The following PLK3 variants were observed in gnomAD, a reference collection of about 807,000 sequenced individuals.
The protein encoded by PLK3 is serine/threonine-protein kinase PLK3.
In PLK3, 41 loss-of-function variants were observed where a neutral mutation model predicts 71.6. The observed-to-expected ratio is 0.57, with a 90% confidence interval of 0.45 to 0.74. PLK3 has a LOEUF of 0.74. Ranked by LOEUF, PLK3 falls within the 30% of genes least tolerant of loss-of-function variation. The pLI, the probability that PLK3 is intolerant of heterozygous loss-of-function variation, is 0.00. For missense variants in PLK3, 791 were observed against 875.6 expected, an observed-to-expected ratio of 0.90 and a Z score of 1.22; for synonymous variants, 366 against 355.4, an observed-to-expected ratio of 1.03 and a Z score of -0.33.
At position 44,800,701 on chromosome 1, in the gene PLK3, T is replaced by C; in HGVS notation, c.210+28T>C. ...GGGCCGAGGGACGTCCGCGGGGTGG[T>C]GATGGTGGAGGTGGGGGTCCCGGCC... On this transcript the variant is annotated intron_variant, in intron 1 of 14. Coordinates refer to ENST00000372201, the MANE Select transcript of PLK3 (RefSeq NM_004073.4). This position sits in a 1 kb window ranked among gnomAD's most constrained non-coding sequence, Gnocchi z 6.5. 2 of 1,548,078 alleles carry C rather than the reference T, an allele frequency of 1.3e-6. No individual in the cohort carries two copies. The highest frequency in any genetic ancestry group is 1.7e-6 in the Non-Finnish European group (2 of 1,150,858).
chr1:44,802,008 G>A lies in PLK3; in HGVS notation c.653+76G>A. 3.7e-6 allele frequency: 4 copies of A among 1,091,028 alleles called. No homozygotes were observed. The South Asian group carries it at 4.2e-5, about 12-fold the overall frequency. 67.6% of individuals were successfully genotyped at this position (1,091,028 alleles called of 1,614,324 possible). On this transcript the variant is annotated intron_variant, in intron 5 of 14. Coordinates refer to ENST00000372201, the MANE Select transcript of PLK3 (RefSeq NM_004073.4). ...TAGACAGTGCATATGTATGTGGGAG[G>A]CAAGGTGACTGCCTGATGTGTGCAT...
intron 12 of PLK3, 36 bp from the exon 13 acceptor site, chr1:44,804,614 G>A: frequency 6.2e-7 from 1 of 1,608,396 alleles, no homozygotes. Flanking sequence ...GGGCATTGGT[G>A]CAGGGCTCCC....
chr1:44,801,114 G>A lies in PLK3; in HGVS notation c.397G>A (p.Asp133Asn). ...TTTTTCGCACCACTTTGAGGACGCT[G>A]ACAACATCTACATTTTCTTGGAGCT... ...VRFSHHFEDA[D>N]NIYIFLELCS... Residue 133 changes from aspartate to asparagine, a missense_variant, in exon 3 of 15, where the codon GAC (aspartate) becomes AAC (asparagine). By Grantham distance (23) the Asp-to-Asn change is conservative. Transcript: ENST00000372201. 1 of 1,613,010 alleles carries A rather than the reference G, an allele frequency of 6.2e-7. No homozygotes were observed. Among genetic ancestry groups the A allele is most frequent in the South Asian group, 1.1e-5 (1 of 91,052 alleles).
Position 44,803,143 on chromosome 1 carries a change from TC to T in PLK3, c.939del (p.Phe314LeufsTer16). The T allele has an allele frequency of 6.2e-7, 1 of 1,613,794 alleles. No individual in the cohort carries two copies. The highest frequency in any genetic ancestry group is 8.5e-7 in the Non-Finnish European group (1 of 1,179,928). On this transcript the variant is annotated frameshift_variant, in exon 7 of 15. Coordinates refer to ENST00000372201, the MANE Select transcript of PLK3 (RefSeq NM_004073.4). LOFTEE classifies it high-confidence loss of function. The surrounding 1 kb of genome is among the most constrained non-coding windows in gnomAD (Gnocchi z 4.3). ...ATTGACCAGATCCTGCGCCATGACTTCTTTACCAAGGTCTGTGGCTCCCCAG... is the reference window on the plus strand; with the variant it reads ...ATTGACCAGATCCTGCGCCATGACTTTTTACCAAGGTCTGTGGCTCCCCAG... ...PSIDQILRHD[F>X]FTKGYTPDRL...
chr1:44,801,560 C>A, intron 3 of PLK3, 62 bp from the exon 4 acceptor site: 8 of 1,559,136 alleles, frequency 5.1e-6, no homozygotes, highest in Non-Finnish European at 7.0e-6. Context: ...CCTCAGGGAG[C>A]ACAGATGGAG....
chr1:44,804,480 T>G lies in PLK3; in HGVS notation c.1484T>G (p.Met495Arg). ...GTGCTCTTCAACGATGGCACACATA[T>G]GGCCCTGTCGGCCAACAGAAAGTAA... ...VAVLFNDGTH[M>R]ALSANRKTVH... is the part of the protein sequence containing the mutation. The change falls in exon 12 of 15, where the codon ATG (methionine) becomes AGG (arginine). Residue 495 changes from methionine (M) to arginine (R), a missense_variant. Coordinates refer to ENST00000372201, the MANE Select transcript of PLK3 (RefSeq NM_004073.4). 1.9e-6 allele frequency: 3 copies of G among 1,614,208 alleles called. No individual in the cohort carries two copies. The highest frequency in any genetic ancestry group is 2.5e-6 in the Non-Finnish European group (3 of 1,180,014).
At position 44,801,036 on chromosome 1, in the gene PLK3, A is replaced by T. The variant is rs748149445; in HGVS notation, c.319A>T (p.Ile107Phe). Reference protein sequence around the residue: ...RVAKPHQREKILNEIELHRDL... With the variant: ...RVAKPHQREKFLNEIELHRDL... The stretch of plus-strand genomic sequence containing the variant: ...TGACGACTCCGCGCCCTCATCGCAG[A>T]TCCTAAATGAGATTGAGCTGCACCG... The change falls in exon 3 of 15, where the codon ATC becomes TTC. Residue 107 changes from isoleucine (I) to phenylalanine (F), a missense_variant and splice_region_variant. Transcript: ENST00000372201. 9 of 1,612,740 alleles carry T rather than the reference A, an allele frequency of 5.6e-6. No homozygotes were observed. The highest frequency in any genetic ancestry group is 7.6e-6 in the Non-Finnish European group (9 of 1,179,250).
chr1:44,804,962 G>C, intron 13 of PLK3, 183 bp downstream of exon 13: 1 of 622,140 alleles, frequency 1.6e-6, no homozygotes, highest in Admixed American at 3.0e-5. Flanking sequence ...CAAATTAGCC[G>C]GGCGTGGTGG....
At chr1:44,805,405 G>A (rs1262107264) in intron 14 of PLK3, 26 bp downstream of exon 14, 1 of 1,608,166 alleles carries the variant, frequency 6.2e-7, no homozygotes, top group Non-Finnish European at 8.5e-7. Context: ...GGAGTTGCGG[G>A]AAGGTCTGGG....
intron 13 of PLK3, 122 bp downstream of exon 13, chr1:44,804,901 C>T (rs1308824056): frequency 3.9e-5 from 34 of 866,262 alleles, no homozygotes; most frequent in Non-Finnish European, 1.8e-5. Flanking sequence ...GTCAGGAGAT[C>T]GAGACCATCC....
intron 13 of PLK3, 108 bp from the exon 14 acceptor site, chr1:44,805,158 C>G (rs932058017): frequency 1.2e-5 from 9 of 754,622 alleles, no homozygotes; most frequent in Middle Eastern, 4.7e-4. Flanking sequence ...CCTCTGATTC[C>G]CCCTTGGTGG....
Position 44,802,802 on chromosome 1 carries a change from G to C in PLK3, c.696G>C (p.Leu232=). Residue 232 remains leucine, a synonymous_variant, in exon 6 of 15, where the codon CTG becomes CTC. Transcript: ENST00000372201. The stretch of plus-strand genomic sequence containing the variant: ...CCAACTATGTGGCTCCAGAAGTGCT[G>C]CTGAGACAGGGCCACGGCCCTGAGG... The part of the protein sequence containing the change: ...GTPNYVAPEV[L]LRQGHGPEAD... The C allele has an allele frequency of 6.2e-7, 1 of 1,613,930 alleles. No homozygotes were observed. Among genetic ancestry groups the C allele is most frequent in the Non-Finnish European group, 8.5e-7 (1 of 1,179,942 alleles).
chr1:44,804,746 C>T lies in PLK3; in HGVS notation c.1602C>T (p.Tyr534=). The change falls in exon 13 of 15, where the codon TAC becomes TAT. Residue 534 remains tyrosine (Y), a synonymous_variant. Transcript: ENST00000372201. ...ALQPQLGILR[Y]FASYMEQHLM... ...AGCCTCAGCTGGGTATCCTGCGGTA[C>T]TTCGCCTCCTACATGGAGCAGCACC... The T allele has an allele frequency of 6.2e-7, 1 of 1,614,144 alleles. No homozygotes were observed. Among genetic ancestry groups the T allele is most frequent in the South Asian group, 1.1e-5 (1 of 91,090 alleles).
In PLK3 at chr1:44,805,570, T is replaced by TGGGGCCACTGGCTCA; in HGVS notation, c.1834_1835insGGGCCACTGGCTCAG (p.Ser611_Ala612insGlyAlaThrGlySer). On this transcript the variant is annotated inframe_insertion, in exon 15 of 15. Transcript: ENST00000372201. ...TGACTTTTGTGGCCCGAAATCGTAG[T>TGGGGCCACTGGCTCA]GCTTGTACTTACCTCGCTTCCCACC... 1 of 1,614,188 alleles carries TGGGGCCACTGGCTCA rather than the reference T, an allele frequency of 6.2e-7. No homozygotes were observed. Among genetic ancestry groups the TGGGGCCACTGGCTCA allele is most frequent in the Admixed American group, 1.7e-5 (1 of 60,032 alleles).
Position 44,804,511 on chromosome 1 carries a change from G to A in PLK3, c.1505+10G>A, listed in dbSNP as rs377444562. ...TGTCGGCCAACAGAAAGTAAGTGCTGTTATGGGGTGCCTTGTATTCAGGCC... is the reference window on the plus strand; with the variant it reads ...TGTCGGCCAACAGAAAGTAAGTGCTATTATGGGGTGCCTTGTATTCAGGCC... On this transcript the variant is annotated intron_variant, in intron 12 of 14. Transcript: ENST00000372201. 3 of 1,613,776 alleles carry A rather than the reference G, an allele frequency of 1.9e-6. No individual in the cohort carries two copies. The highest frequency in any genetic ancestry group is 2.5e-6 in the Non-Finnish European group (3 of 1,179,706).
rs777546739 is a variant in PLK3, at chr1:44,802,747, C to T, written c.654-13C>T. 1.3e-6 allele frequency: 2 copies of T among 1,598,528 alleles called. No individual in the cohort carries two copies. Among genetic ancestry groups the T allele is most frequent in the South Asian group, 2.2e-5 (2 of 90,732 alleles). ...GGTCTCAGCCTTCTCTCCTCCTCCC[C>T]ACCCTCTTTCAGGACCATCTGTGGC... On this transcript the variant is annotated splice_polypyrimidine_tract_variant and intron_variant, in intron 5 of 14. Coordinates refer to ENST00000372201, the MANE Select transcript of PLK3 (RefSeq NM_004073.4).
At position 44,803,600 on chromosome 1, in the gene PLK3, G is replaced by C; in HGVS notation, c.1073G>C (p.Ser358Thr). Reference protein sequence around the residue: ...TKSLFGRKKKSKNHAQERDEV... With the variant: ...TKSLFGRKKKTKNHAQERDEV... ...GGACGGTATCACCTTTCACCCCCAGGTAAGAATCATGCCCAGGAGAGGGAT... is the reference window on the plus strand; with the variant it reads ...GGACGGTATCACCTTTCACCCCCAGCTAAGAATCATGCCCAGGAGAGGGAT... Residue 358 changes from serine (S) to threonine (T), a missense_variant and splice_region_variant, in exon 9 of 15, where the codon AGT becomes ACT. Coordinates refer to ENST00000372201, the MANE Select transcript of PLK3 (RefSeq NM_004073.4). This position sits in a 1 kb window ranked among gnomAD's most constrained non-coding sequence, Gnocchi z 4.3. 1 of 1,613,596 alleles carries C rather than the reference G, an allele frequency of 6.2e-7. No homozygotes were observed. The highest frequency in any genetic ancestry group is 8.5e-7 in the Non-Finnish European group (1 of 1,179,536).
At position 44,802,825 on chromosome 1, in the gene PLK3, A is replaced by C. The variant is rs773541984; in HGVS notation, c.719A>C (p.Glu240Ala). 1.9e-6 allele frequency: 3 copies of C among 1,613,786 alleles called. No individual in the cohort carries two copies. The highest frequency in any genetic ancestry group is 2.2e-5 in the South Asian group (2 of 91,074). The change falls in exon 6 of 15, where the codon GAG becomes GCG. Residue 240 changes from glutamate to alanine, a missense_variant. By Grantham distance (107) the Glu-to-Ala change is moderately radical. Transcript: ENST00000372201. ...CTGCTGAGACAGGGCCACGGCCCTG[A>C]GGCGGATGTATGGTCACTGGGCTGT... ...EVLLRQGHGP[E>A]ADVWSLGCVM...
chr1:44,800,538 G>C lies in PLK3; in HGVS notation c.75G>C (p.Gly25=). 1 of 1,482,674 alleles carries C rather than the reference G, an allele frequency of 6.7e-7. No homozygotes were observed. 91.8% of individuals were successfully genotyped at this position (1,482,674 alleles called of 1,614,324 possible). ...RAAAAPAPPA[G]PGPPPSALRG... is the part of the protein sequence containing the mutation. Reference sequence around the variant, plus strand: ...CCGCCGCGCCCGCTCCCCCGGCCGGGCCCGGGCCGCCTCCGAGTGCCTTGC... The same window carrying C: ...CCGCCGCGCCCGCTCCCCCGGCCGGCCCCGGGCCGCCTCCGAGTGCCTTGC... Residue 25 remains glycine (G), a synonymous_variant, in exon 1 of 15, where the codon GGG becomes GGC. Transcript: ENST00000372201. This position sits in a 1 kb window ranked among gnomAD's most constrained non-coding sequence, Gnocchi z 6.5.
Sources: gnomAD v4.1 joint callset for allele counts on GRCh38, gnomAD v4.1.1 for gene constraint, Gnocchi (gnomAD v3.1) non-coding constraint, MANE v1.5 for transcripts, NCBI Gene and HGNC (gene_info 2026-07-23, HGNC 2026-07-21) for gene names.